The following AKT3 variants were observed in gnomAD, a reference collection of about 807,000 sequenced individuals.
AKT3 encodes RAC-gamma serine/threonine-protein kinase.
Under a neutral mutation model 65.3 loss-of-function variants are expected in AKT3, and 15 were observed. That is an observed-to-expected ratio of 0.23 (90% CI 0.15 to 0.35). The LOEUF is 0.35. Among genes scored for constraint, AKT3 ranks in the 10% least tolerant of loss-of-function variants. The probability of loss-of-function intolerance (pLI) is 1.00; values close to 1 mark genes in which losing one functional copy is unlikely to be tolerated. For missense variants in AKT3, 243 were observed against 576.5 expected, an observed-to-expected ratio of 0.42 and a Z score of 5.92; for synonymous variants, 206 against 183.8, an observed-to-expected ratio of 1.12 and a Z score of -0.98.
chr1:243,819,897 C>CA (rs1693752639), intron 2 of AKT3, among the ~76,000 whole-genome samples: 1 of 152,278 alleles, frequency 6.6e-6, no homozygotes, highest in East Asian at 1.9e-4. Flanking sequence ...CAAACTGCAG[C>CA]AGCCCTACGG....
intron 4 of AKT3, among the ~76,000 whole-genome samples, chr1:243,663,798 CAT>C (rs748231549): frequency 4.6e-5 from 7 of 152,142 alleles, no homozygotes; most frequent in Non-Finnish European, 1.0e-4. Context: ...AATATAATAA[CAT>C]GTGCAGGATG....
chr1:243,505,095 T>C lies in AKT3; in HGVS notation c.*154A>G. The C allele has an allele frequency of 1.6e-6, 1 of 620,660 alleles. No homozygotes were observed. Among genetic ancestry groups the C allele is most frequent in the Non-Finnish European group, 2.8e-6 (1 of 353,138 alleles). The allele number at this position is 620,660 out of a possible 1,614,324, so 38.4% of individuals were successfully genotyped here. The stretch of plus-strand genomic sequence containing the variant: ...GTATTTGCGTGTATGTGTGTTTTCA[T>C]GAGGGTGAAAGGTGGCGAGGGGTGA... On this transcript the variant is annotated 3_prime_UTR_variant, in exon 14 of 14. Transcript: ENST00000673466.
chr1:243,598,838 T>C (rs147312874), intron 8 of AKT3, among the ~76,000 whole-genome samples: 7 of 152,348 alleles, frequency 4.6e-5, no homozygotes, highest in African/African-American at 1.7e-4. Context: ...TTTTATAATA[T>C]GCATCTCCTT....
At position 243,843,275 on chromosome 1, in the gene AKT3, G is replaced by C; in HGVS notation, c.-105C>G. 6.9e-7 allele frequency: 1 copy of C among 1,451,736 alleles called. No homozygotes were observed. The highest frequency in any genetic ancestry group is 1.6e-5 in the South Asian group (1 of 61,332). 89.9% of individuals were successfully genotyped at this position (1,451,736 alleles called of 1,614,324 possible). On this transcript the variant is annotated 5_prime_UTR_variant, in exon 2 of 14. Transcript: ENST00000673466. The stretch of plus-strand genomic sequence containing the variant: ...GCTGCCCTTCCCACTCTCTAGTGAT[G>C]ACTCAGCCTGGAAGGAAGTATTGAA...
At chr1:243,721,024 C>T (rs972695947) in intron 2 of AKT3, among the ~76,000 whole-genome samples, 1 of 152,078 alleles carries the variant, frequency 6.6e-6, no homozygotes. Flanking sequence ...TCTTCTCCTG[C>T]CCTCCTGTCT....
chr1:243,687,231 C>T (rs905624210), intron 3 of AKT3, among the ~76,000 whole-genome samples: 1 of 152,032 alleles, frequency 6.6e-6, no homozygotes, highest in Non-Finnish European at 1.5e-5. Flanking sequence ...TTTACCATTC[C>T]CTTTGATTCT....
At chr1:243,523,055 G>A (rs939899074) in intron 12 of AKT3, among the ~76,000 whole-genome samples, 3 of 152,068 alleles carry the variant, frequency 2.0e-5, no homozygotes, top group Non-Finnish European at 2.9e-5. Flanking sequence ...AGGAGGAAGA[G>A]GTAGAAGGTC....
In AKT3 at chr1:243,501,628, T is replaced by TTAC; in HGVS notation, c.*3620_*3621insGTA. On this transcript the variant is annotated 3_prime_UTR_variant, in exon 14 of 14. Coordinates refer to ENST00000673466, the MANE Select transcript of AKT3 (RefSeq NM_005465.7). The stretch of plus-strand genomic sequence containing the variant: ...TGTGTGTGTGAGCTACAAGGAATTA[T>TTAC]TTCTATATTTTCCTGTCACATTTTA... The TTAC allele has an allele frequency of 4.3e-6, 1 of 233,062 alleles. No homozygotes were observed. Among genetic ancestry groups the TTAC allele is most frequent in the Non-Finnish European group, 8.5e-6 (1 of 117,958 alleles). The allele number at this position is 233,062 out of a possible 1,614,324, so 14.4% of individuals were successfully genotyped here.
At chr1:243,627,961 C>T (rs983691043) in intron 6 of AKT3, among the ~76,000 whole-genome samples, 7 of 152,258 alleles carry the variant, frequency 4.6e-5, no homozygotes, top group African/African-American at 7.2e-5. Flanking sequence ...TGGGTCCTTA[C>T]GATATACACT....
chr1:243,677,506 T>C (rs1046273066), intron 3 of AKT3, among the ~76,000 whole-genome samples: 5 of 152,012 alleles, frequency 3.3e-5, no homozygotes, highest in Non-Finnish European at 7.4e-5. Flanking sequence ...AAAATGTATA[T>C]TTATATATTT....
chr1:243,616,797 C>T (rs895670415), intron 6 of AKT3, among the ~76,000 whole-genome samples: 1 of 152,070 alleles, frequency 6.6e-6, no homozygotes, highest in African/African-American at 2.4e-5. Context: ...AAGGTAAGAT[C>T]AATTGTGTCT....
intron 2 of AKT3, among the ~76,000 whole-genome samples, chr1:243,725,389 G>A (rs1307571822): frequency 2.6e-5 from 4 of 152,156 alleles, no homozygotes; most frequent in Non-Finnish European, 5.9e-5. Flanking sequence ...ACTAGAGTGA[G>A]TGAAGTATTC....
At chr1:243,730,047 A>C (rs903863660) in intron 2 of AKT3, among the ~76,000 whole-genome samples, 1 of 152,202 alleles carries the variant, frequency 6.6e-6, no homozygotes, top group Non-Finnish European at 1.5e-5. Context: ...CACACACAGC[A>C]TGAAGCCTGA....
rs1383850640 is a variant in AKT3 at position 243,739,285 on chromosome 1, T to C, written c.47-43569A>G. On this transcript the variant is annotated intron_variant, in intron 2 of 13. Transcript: ENST00000673466. The stretch of plus-strand genomic sequence containing the variant: ...ATATGATCATTTCAACATATAACCA[T>C]AGAAAAAATTGAGATATTTTACATT... Among the ~76,000 whole-genome samples the C allele has an allele frequency of 3.9e-5, 6 of 152,140 alleles. No homozygotes were observed. In the East Asian group the frequency reaches 7.7e-4, roughly 19 times the overall value.
intron 2 of AKT3, among the ~76,000 whole-genome samples, chr1:243,699,209 A>G (rs546651341): frequency 9.9e-5 from 15 of 152,140 alleles, no homozygotes; most frequent in African/African-American, 3.6e-4. Context: ...CTAAGTTTAC[A>G]CATGATGCAT....
At chr1:243,695,444 A>T (rs1685003328) in intron 3 of AKT3, 147 bp downstream of exon 3, 4 of 605,272 alleles carry the variant, frequency 6.6e-6, no homozygotes, top group Non-Finnish European at 1.1e-5. Flanking sequence ...ATGCTAAGGG[A>T]CTGAAATTCT....
At chr1:243,554,658 AT>A in intron 10 of AKT3, among the ~76,000 whole-genome samples, 1 of 152,338 alleles carries the variant, frequency 6.6e-6, no homozygotes, top group Middle Eastern at 3.4e-3. Flanking sequence ...CCTTTATCTA[AT>A]TGACACAAGA....
intron 8 of AKT3, among the ~76,000 whole-genome samples, chr1:243,594,207 A>G (rs1234416739): frequency 6.6e-6 from 1 of 152,232 alleles, no homozygotes; most frequent in East Asian, 1.9e-4. Context: ...AAAAATTGAA[A>G]AATTATACAA....
At chr1:243,825,308 C>A (rs1055317688) in intron 2 of AKT3, among the ~76,000 whole-genome samples, 2 of 152,096 alleles carry the variant, frequency 1.3e-5, no homozygotes, top group Non-Finnish European at 2.9e-5. Flanking sequence ...GGGCTTAATA[C>A]CTAGATGATG....
Sources: gnomAD v4.1 joint callset for allele counts (sites outside exome capture counted in the v4.1 genomes callset) on GRCh38, gnomAD v4.1.1 for gene constraint, MANE v1.5 for transcripts, NCBI Gene and HGNC (gene_info 2026-07-23, HGNC 2026-07-21) for gene names.